SGCD: variants seen among roughly 807,000 people sequenced by gnomAD.
SGCD encodes sarcoglycan delta.
A neutral mutation model predicts 36.6 loss-of-function variants in SGCD; 18 were observed. That is an observed-to-expected ratio of 0.49 (90% CI 0.34 to 0.73). SGCD has a LOEUF of 0.73. Ranked by LOEUF, SGCD falls within the 30% of genes least tolerant of loss-of-function variation. SGCD has a pLI of 0.01. For synonymous variants in SGCD, 133 were observed against 130.6 expected, an observed-to-expected ratio of 1.02 and a Z score of -0.12; for missense variants, 387 against 346.7, an observed-to-expected ratio of 1.12 and a Z score of -0.92.
At chr5:156,440,918 C>G (rs1753462464) in intron 3 of SGCD, among the ~76,000 whole-genome samples, 1 of 151,938 alleles carries the variant, frequency 6.6e-6, no homozygotes, top group African/African-American at 2.4e-5. Flanking sequence ...TTTATACTTT[C>G]TTGGTGATAT....
intron 3 of SGCD, among the ~76,000 whole-genome samples, chr5:156,391,316 A>G (rs976139751): frequency 1.2e-4 from 19 of 152,214 alleles, no homozygotes; most frequent in African/African-American, 4.1e-4. Context: ...GTGTAAGTAC[A>G]CGCTATGTTA....
intron 3 of SGCD, among the ~76,000 whole-genome samples, chr5:156,131,420 C>T (rs1167314220): frequency 6.6e-6 from 1 of 152,154 alleles, no homozygotes; most frequent in African/African-American, 2.4e-5. Context: ...TAAAATTATG[C>T]TGCTAAAAAA....
intron 3 of SGCD, among the ~76,000 whole-genome samples, chr5:156,421,475 A>G (rs1288015028): frequency 6.6e-6 from 1 of 152,120 alleles, no homozygotes; most frequent in Admixed American, 6.6e-5. Context: ...TTTGACCACC[A>G]TGGGTCAGCA....
At position 156,529,373 on chromosome 5, in the gene SGCD, T is replaced by C. The variant is rs538972690; in HGVS notation, c.294+20671T>C. The stretch of plus-strand genomic sequence containing the variant: ...CTGGGAGGCAGAGGTTGCAGTGAGC[T>C]GAGATTGGGCCATTGCACTCCAGCC... On this transcript the variant is annotated intron_variant, in intron 4 of 8. Coordinates refer to ENST00000337851, the MANE Select transcript of SGCD (RefSeq NM_000337.6). Among the ~76,000 whole-genome samples, 205 of 139,716 alleles carry C rather than the reference T, an allele frequency of 1.5e-3. 1 individual carries two copies. Among genetic ancestry groups the C allele is most frequent in the Admixed American group, 2.6e-3 (32 of 12,494 alleles). 91.7% of individuals were successfully genotyped at this position (139,716 alleles called of 152,430 possible).
intron 1 of SGCD, among the ~76,000 whole-genome samples, chr5:155,930,801 A>G (rs2113390693): frequency 6.6e-6 from 1 of 152,300 alleles, no homozygotes; most frequent in East Asian, 1.9e-4. Context: ...CATACTTGTA[A>G]CTGTTAAGAA....
intron 3 of SGCD, among the ~76,000 whole-genome samples, chr5:156,360,511 G>C (rs777100494): frequency 6.6e-6 from 1 of 152,160 alleles, no homozygotes; most frequent in African/African-American, 2.4e-5. Flanking sequence ...GCCTCCCAAA[G>C]TGCTGGAATT....
At chr5:156,238,247 A>G (rs1287195341) in intron 3 of SGCD, among the ~76,000 whole-genome samples, 2 of 152,190 alleles carry the variant, frequency 1.3e-5, no homozygotes, top group African/African-American at 4.8e-5. Context: ...CTGACCTAAG[A>G]TAAATAGTTT....
chr5:155,771,030 A>C, the SGCD span, among the ~76,000 whole-genome samples: 1 of 151,652 alleles, frequency 6.6e-6, no homozygotes, highest in African/African-American at 2.4e-5. Context: ...CATCAAAAAA[A>C]CCACAAAAGT....
chr5:155,909,317 G>A (rs1000419555), intron 1 of SGCD, among the ~76,000 whole-genome samples: 4 of 152,000 alleles, frequency 2.6e-5, no homozygotes, highest in Non-Finnish European at 4.4e-5. Context: ...TAAATATTTC[G>A]AAGATGGAAA....
chr5:155,955,062 C>A (rs925020813), intron 1 of SGCD, among the ~76,000 whole-genome samples: 1 of 152,118 alleles, frequency 6.6e-6, no homozygotes, highest in African/African-American at 2.4e-5. Context: ...GGAGGGTCAG[C>A]CTTTTTGTTC....
At chr5:156,520,630 C>T (rs1019429567) in intron 4 of SGCD, among the ~76,000 whole-genome samples, 3 of 152,158 alleles carry the variant, frequency 2.0e-5, no homozygotes, top group Non-Finnish European at 4.4e-5. Flanking sequence ...GACCCAACTT[C>T]AAACTATACT....
At chr5:155,784,781 G>A in the SGCD span, among the ~76,000 whole-genome samples, 4 of 151,784 alleles carry the variant, frequency 2.6e-5, no homozygotes, top group African/African-American at 4.8e-5. Context: ...GGAAAAAAAT[G>A]ATGAAATTGG....
At chr5:156,231,409 G>A (rs1765013353) in intron 3 of SGCD, among the ~76,000 whole-genome samples, 1 of 152,248 alleles carries the variant, frequency 6.6e-6, no homozygotes, top group Admixed American at 6.5e-5. Flanking sequence ...GGTGGCACGT[G>A]CTTGTAATTC....
At chr5:156,210,912 A>G (rs1011502373) in intron 3 of SGCD, among the ~76,000 whole-genome samples, 1 of 152,142 alleles carries the variant, frequency 6.6e-6, no homozygotes, top group African/African-American at 2.4e-5. Flanking sequence ...AATAATAGAA[A>G]ACTTTATAAA....
At chr5:155,817,647 G>A in the SGCD span, among the ~76,000 whole-genome samples, 1 of 151,950 alleles carries the variant, frequency 6.6e-6, no homozygotes, top group Non-Finnish European at 1.5e-5. Flanking sequence ...TATTTAAAGG[G>A]CATGAGATTT....
chr5:156,540,485 T>G (rs984367585), intron 4 of SGCD, among the ~76,000 whole-genome samples: 2 of 152,160 alleles, frequency 1.3e-5, no homozygotes, highest in Non-Finnish European at 2.9e-5. Flanking sequence ...ATGTCTTCCC[T>G]TTTATATGTT....
At chr5:156,040,558 G>A (rs1044655739) in intron 1 of SGCD, among the ~76,000 whole-genome samples, 3 of 152,128 alleles carry the variant, frequency 2.0e-5, no homozygotes, top group Non-Finnish European at 2.9e-5. Flanking sequence ...AGTAGAAACT[G>A]ATTAGATCCT....
intron 4 of SGCD, among the ~76,000 whole-genome samples, chr5:156,525,899 G>A (rs1345867413): frequency 2.0e-5 from 3 of 152,052 alleles, no homozygotes; most frequent in Admixed American, 2.0e-4. Flanking sequence ...ATATCTGTGG[G>A]TTTATTGCTC....
rs553203792 is a variant in SGCD, at chr5:156,056,028, G to A, written c.-281-61850G>A. 1.1e-4 allele frequency among the ~76,000 whole-genome samples: 16 copies of A among 146,486 alleles called. 2 individuals are homozygous for A. The South Asian group carries it at 2.8e-3, about 26-fold the overall frequency. ...AAAAGTCACCTAGTCTAACCAGTGTGGACTAGACTTATCAGTCAGAAATAG... is the reference window on the plus strand; with the variant it reads ...AAAAGTCACCTAGTCTAACCAGTGTAGACTAGACTTATCAGTCAGAAATAG... On this transcript the variant is annotated intron_variant, in intron 1 of 9. Transcript: ENST00000517913.
Sources: gnomAD v4.1 joint callset for allele counts (sites outside exome capture counted in the v4.1 genomes callset) on GRCh38, gnomAD v4.1.1 for gene constraint, MANE v1.5 for transcripts, NCBI Gene and HGNC (gene_info 2026-07-23, HGNC 2026-07-21) for gene names.